AKIRIN2: variants seen among roughly 807,000 people sequenced by gnomAD.
AKIRIN2 encodes akirin 2.
Under a neutral mutation model 29.3 loss-of-function variants are expected in AKIRIN2, and 6 were observed. The ratio of observed to expected loss-of-function variants is 0.20; its 90% confidence interval spans 0.11 to 0.40. AKIRIN2 has a LOEUF of 0.40. Ranked by LOEUF, AKIRIN2 falls within the 10% of genes least tolerant of loss-of-function variation. The probability of loss-of-function intolerance (pLI) is 1.00; values close to 1 mark genes in which losing one functional copy is unlikely to be tolerated. For missense variants in AKIRIN2, 210 were observed against 276.1 expected, an observed-to-expected ratio of 0.76 and a Z score of 1.70; for synonymous variants, 128 against 117.5, an observed-to-expected ratio of 1.09 and a Z score of -0.58.
intron 4 of AKIRIN2, 81 bp from the exon 5 acceptor site, chr6:87,675,688 C>A: frequency 1.3e-6 from 2 of 1,567,178 alleles, no homozygotes; most frequent in East Asian, 2.3e-5. Flanking sequence ...CCCAATTTTG[C>A]CCCTAGGTAT....
chr6:87,683,336 A>G (rs1771144881), intron 1 of AKIRIN2, among the ~76,000 whole-genome samples: 1 of 152,076 alleles, frequency 6.6e-6, no homozygotes. Flanking sequence ...TGTATTTAAC[A>G]TTTTTCATTT....
At chr6:87,676,193 G>A (rs572384801) in intron 3 of AKIRIN2, among the ~76,000 whole-genome samples, 6 of 152,132 alleles carry the variant, frequency 3.9e-5, no homozygotes, top group South Asian at 4.1e-4. Flanking sequence ...GACCGGGTGC[G>A]GTGGCTCACG....
chr6:87,695,479 A>G (rs551343474), intron 1 of AKIRIN2, among the ~76,000 whole-genome samples: 2 of 152,328 alleles, frequency 1.3e-5, no homozygotes, highest in Non-Finnish European at 2.9e-5. Context: ...GCTTAAATAA[A>G]TATTTTCTCT....
chr6:87,690,264 A>G (rs1771258468), intron 1 of AKIRIN2, among the ~76,000 whole-genome samples: 1 of 152,172 alleles, frequency 6.6e-6, no homozygotes, highest in African/African-American at 2.4e-5. Flanking sequence ...CATTTTTTAA[A>G]AAGTGGTTTA....
Position 87,675,382 on chromosome 6 carries a change from T to C in AKIRIN2, c.*215A>G. 1.6e-6 allele frequency: 1 copy of C among 609,110 alleles called. No homozygotes were observed. Among genetic ancestry groups the C allele is most frequent in the Non-Finnish European group, 2.9e-6 (1 of 339,856 alleles). 37.7% of individuals were successfully genotyped at this position (609,110 alleles called of 1,614,324 possible). ...ATACAGCAAAATGAGGCCACTGGTA[T>C]TAATACAGGTAGCAAAGGTCCACAT... On this transcript the variant is annotated 3_prime_UTR_variant, in exon 5 of 5. Transcript: ENST00000257787.
chr6:87,682,376 G>A (rs1771133882), intron 1 of AKIRIN2, among the ~76,000 whole-genome samples: 1 of 152,178 alleles, frequency 6.6e-6, no homozygotes, highest in Admixed American at 6.5e-5. Flanking sequence ...GGGTGAGGGG[G>A]AGACCATGTA....
At chr6:87,681,798 A>C in intron 1 of AKIRIN2, 35 bp from the exon 2 acceptor site, 1 of 1,503,582 alleles carries the variant, frequency 6.7e-7, no homozygotes, top group Non-Finnish European at 9.0e-7. Context: ...GCAAGATAAA[A>C]ACTTTCACAT....
chr6:87,687,266 G>A (rs1025344063), intron 1 of AKIRIN2, among the ~76,000 whole-genome samples: 2 of 148,822 alleles, frequency 1.3e-5, no homozygotes, highest in African/African-American at 5.0e-5. Context: ...ACTTGGGCAG[G>A]GCGTGGTGGC....
intron 1 of AKIRIN2, among the ~76,000 whole-genome samples, chr6:87,695,484 TTC>T (rs1456226322): frequency 6.6e-6 from 1 of 152,226 alleles, no homozygotes; most frequent in African/African-American, 2.4e-5. Flanking sequence ...AATAAATATT[TTC>T]TCTCATACCT....
intron 1 of AKIRIN2, among the ~76,000 whole-genome samples, chr6:87,700,267 C>CCA (rs1554258131): frequency 1.4e-5 from 2 of 142,010 alleles, no homozygotes; most frequent in African/African-American, 5.2e-5. Flanking sequence ...TTAAATGTGA[C>CCA]AAAAAAAAAA....
chr6:87,701,307 G>T, intron 1 of AKIRIN2, 143 bp downstream of exon 1: 1 of 761,898 alleles, frequency 1.3e-6, no homozygotes, highest in Non-Finnish European at 2.0e-6. Context: ...AGGACCTAGT[G>T]AAAAACGTGG....
intron 1 of AKIRIN2, among the ~76,000 whole-genome samples, chr6:87,684,395 A>G (rs1399584524): frequency 6.6e-6 from 1 of 152,194 alleles, no homozygotes; most frequent in Non-Finnish European, 1.5e-5. Context: ...CAAATGACAA[A>G]ATTCACCAAT....
At chr6:87,692,166 CTG>C (rs1771286525) in intron 1 of AKIRIN2, among the ~76,000 whole-genome samples, 1 of 152,172 alleles carries the variant, frequency 6.6e-6, no homozygotes, top group Non-Finnish European at 1.5e-5. Context: ...AATGAAAAAA[CTG>C]TGATTTGATG....
At chr6:87,676,931 G>A (rs1200463087) in intron 3 of AKIRIN2, among the ~76,000 whole-genome samples, 1 of 151,846 alleles carries the variant, frequency 6.6e-6, no homozygotes, top group Admixed American at 6.6e-5. Flanking sequence ...AAGAAAATTA[G>A]CCGGGCATGG....
In AKIRIN2 at chr6:87,701,601, C is replaced by G; in HGVS notation, c.84G>C (p.Ala28=). 1 of 1,438,592 alleles carries G rather than the reference C, an allele frequency of 7.0e-7. No individual in the cohort carries two copies. The highest frequency in any genetic ancestry group is 9.1e-7 in the Non-Finnish European group (1 of 1,098,482). 89.1% of individuals were successfully genotyped at this position (1,438,592 alleles called of 1,614,324 possible). The part of the protein sequence containing the change: ...SPASPKRRRC[A]PLSAPTSAAA... The stretch of plus-strand genomic sequence containing the variant: ...CGGCCGAGGTGGGCGCCGACAATGG[C>G]GCACATCGCCTGCGCTTCGGGGACG... The change falls in exon 1 of 5, where the codon GCG becomes GCC. Residue 28 remains alanine (A), a synonymous_variant. Coordinates refer to ENST00000257787, the MANE Select transcript of AKIRIN2 (RefSeq NM_018064.4).
At chr6:87,693,430 T>C (rs1244362972) in intron 1 of AKIRIN2, among the ~76,000 whole-genome samples, 2 of 150,952 alleles carry the variant, frequency 1.3e-5, no homozygotes, top group Admixed American at 1.3e-4. Flanking sequence ...TTTATTGGTG[T>C]TTTAAAAGTT....
Position 87,683,926 on chromosome 6 carries a change from A to G in AKIRIN2, c.236-2163T>C, listed in dbSNP as rs115876650. ...CTCGGTCTCCCAAAGTGCTAGGATT[A>G]TAAGTGTGAGCCACCGTGCCCAGCC... On this transcript the variant is annotated intron_variant, in intron 1 of 4. Transcript: ENST00000257787. Among the ~76,000 whole-genome samples the G allele has an allele frequency of 9.2e-3, 1,404 of 152,304 alleles. 21 individuals carry two copies. Among genetic ancestry groups the G allele is most frequent in the African/African-American group, 0.031 (1,306 of 41,550 alleles).
chr6:87,676,547 A>C (rs1770995736), intron 3 of AKIRIN2, among the ~76,000 whole-genome samples: 1 of 146,160 alleles, frequency 6.8e-6, no homozygotes, highest in African/African-American at 2.6e-5. Context: ...ATGAGGTCAG[A>C]AGATCAAAGC....
intron 2 of AKIRIN2, among the ~76,000 whole-genome samples, chr6:87,680,593 G>A (rs1328770630): frequency 6.6e-6 from 1 of 151,740 alleles, no homozygotes; most frequent in Non-Finnish European, 1.5e-5. Flanking sequence ...ATTCTGCCAG[G>A]TTTTCCTTCC....
Sources: allele counts gnomAD v4.1 joint callset (sites outside exome capture counted in the v4.1 genomes callset), GRCh38; gene constraint gnomAD v4.1.1; transcripts MANE v1.5; gene names NCBI Gene and HGNC (gene_info 2026-07-23, HGNC 2026-07-21).